AGBL1: variants seen among roughly 807,000 people sequenced by gnomAD.
AGBL1 encodes the protein cytosolic carboxypeptidase 4.
In AGBL1, 130 loss-of-function variants were observed where a neutral mutation model predicts 118.9. That is an observed-to-expected ratio of 1.09 (90% CI 0.95 to 1.26). AGBL1 has a LOEUF of 1.26. AGBL1 is among the 50% of genes most tolerant of loss of function. AGBL1 has a pLI of 0.00. For synonymous variants in AGBL1, 555 were observed against 478.9 expected (o/e 1.16, Z -2.08); for missense variants, 1,584 against 1,298.1 (o/e 1.22, Z -3.38).
At chr15:86,569,567 C>T (rs1300300140) in intron 21 of AGBL1, among the ~76,000 whole-genome samples, 5 of 152,146 alleles carry the variant, frequency 3.3e-5, no homozygotes, top group Non-Finnish European at 7.4e-5. Context: ...AGAAAAACTT[C>T]TTCGGATATG....
At chr15:86,696,951 T>G (rs569729168) in intron 22 of AGBL1, among the ~76,000 whole-genome samples, 79 of 152,158 alleles carry the variant, frequency 5.2e-4, no homozygotes, top group Non-Finnish European at 8.1e-4. Flanking sequence ...CTTGTAGGGT[T>G]TCTGCTAAGA....
chr15:87,001,894 C>G (rs991183144), intron 24 of AGBL1, among the ~76,000 whole-genome samples: 2 of 151,912 alleles, frequency 1.3e-5, no homozygotes, highest in African/African-American at 2.4e-5. Context: ...TGTCAGATGA[C>G]TAGGTTGCAA....
intron 17 of AGBL1, among the ~76,000 whole-genome samples, chr15:86,355,532 C>A (rs1045584657): frequency 6.6e-6 from 1 of 152,168 alleles, no homozygotes; most frequent in African/African-American, 2.4e-5. Flanking sequence ...GTCAGAAATT[C>A]AAACCCATCT....
chr15:86,717,939 G>A (rs776127855), intron 22 of AGBL1, among the ~76,000 whole-genome samples: 12 of 152,056 alleles, frequency 7.9e-5, no homozygotes, highest in African/African-American at 1.9e-4. Context: ...TTAGCTGGGC[G>A]TGATGGCATG....
chr15:86,211,696 A>G (rs2078101311), intron 5 of AGBL1, among the ~76,000 whole-genome samples: 1 of 152,164 alleles, frequency 6.6e-6, no homozygotes, highest in Non-Finnish European at 1.5e-5. Flanking sequence ...AACATTGGAA[A>G]AGCACAGTAT....
intron 22 of AGBL1, among the ~76,000 whole-genome samples, chr15:86,818,211 T>C (rs1378678016): frequency 6.6e-6 from 1 of 152,188 alleles, no homozygotes; most frequent in Non-Finnish European, 1.5e-5. Context: ...AACACATTTC[T>C]GTTGTTTTAA....
intron 23 of AGBL1, among the ~76,000 whole-genome samples, chr15:86,987,086 G>T (rs1382740158): frequency 6.6e-6 from 1 of 152,090 alleles, no homozygotes; most frequent in East Asian, 1.9e-4. Context: ...ATCAGTTAAG[G>T]CAAGGACCGG....
intron 21 of AGBL1, among the ~76,000 whole-genome samples, chr15:86,628,565 G>A (rs2084921267): frequency 6.6e-6 from 1 of 152,158 alleles, no homozygotes; most frequent in Admixed American, 6.5e-5. Context: ...GGGAGGCCGA[G>A]GTGGGTGGAT....
chr15:86,091,221 C>T, intron 1 of AGBL1, among the ~76,000 whole-genome samples: 1 of 152,106 alleles, frequency 6.6e-6, no homozygotes, highest in East Asian at 1.9e-4. Flanking sequence ...TAAATGCCTC[C>T]CTGTGCCAGG....
chr15:86,305,853 C>T (rs2079831761), intron 17 of AGBL1, among the ~76,000 whole-genome samples: 1 of 152,122 alleles, frequency 6.6e-6, no homozygotes, highest in Admixed American at 6.5e-5. Flanking sequence ...ATCTCTTTCC[C>T]ATTAATCTGA....
chr15:86,129,837 A>G (rs2076796216), intron 1 of AGBL1, among the ~76,000 whole-genome samples: 1 of 152,210 alleles, frequency 6.6e-6, no homozygotes, highest in Non-Finnish European at 1.5e-5. Flanking sequence ...GATAGTTAAC[A>G]CAGTGGAGGT....
chr15:86,913,476 T>C lies in AGBL1; in HGVS notation c.*6182T>C, dbSNP rs1030620526. On this transcript the variant is annotated 3_prime_UTR_variant, in exon 23 of 23. Transcript: ENST00000614907. Reference sequence around the variant, plus strand: ...CAAAGTAAAATGGGTTCAGTATCATTGGTAGAGAACACAGTCTATGAGAGA... The same window carrying C: ...CAAAGTAAAATGGGTTCAGTATCATCGGTAGAGAACACAGTCTATGAGAGA... 2.6e-5 allele frequency: 4 copies of C among 152,212 alleles called. No homozygotes were observed. Among genetic ancestry groups the C allele is most frequent in the Admixed American group, 2.6e-4 (4 of 15,282 alleles). 9.4% of individuals were successfully genotyped at this position (152,212 alleles called of 1,614,324 possible).
intron 21 of AGBL1, among the ~76,000 whole-genome samples, chr15:86,657,633 G>A (rs2085481491): frequency 1.3e-5 from 2 of 152,186 alleles, no homozygotes; most frequent in African/African-American, 4.8e-5. Flanking sequence ...CAAACCCCTA[G>A]TTAATGGTTT....
At chr15:86,743,732 A>C (rs1251739898) in intron 22 of AGBL1, among the ~76,000 whole-genome samples, 1 of 152,130 alleles carries the variant, frequency 6.6e-6, no homozygotes, top group African/African-American at 2.4e-5. Flanking sequence ...CCTGAAAAAT[A>C]TCTGAGAGCT....
chr15:86,747,863 T>C (rs941500214), intron 22 of AGBL1, among the ~76,000 whole-genome samples: 15 of 152,350 alleles, frequency 9.8e-5, no homozygotes, highest in African/African-American at 2.6e-4. Flanking sequence ...CACATTTTCT[T>C]AATCCAGTCT....
intron 18 of AGBL1, among the ~76,000 whole-genome samples, chr15:86,399,134 G>A (rs1276755983): frequency 6.6e-6 from 1 of 152,074 alleles, no homozygotes; most frequent in Non-Finnish European, 1.5e-5. Context: ...TAAGAAACTC[G>A]ATCAGACCTT....
chr15:86,382,770 A>G (rs1567228094), intron 17 of AGBL1, among the ~76,000 whole-genome samples: 2 of 152,032 alleles, frequency 1.3e-5, no homozygotes, highest in East Asian at 3.9e-4. Flanking sequence ...CTTAATTTTA[A>G]AATATAATAG....
At chr15:86,451,112 A>G (rs2082187055) in intron 18 of AGBL1, among the ~76,000 whole-genome samples, 1 of 152,236 alleles carries the variant, frequency 6.6e-6, no homozygotes, top group Non-Finnish European at 1.5e-5. Context: ...CAGACTCATT[A>G]CAGAACATTT....
chr15:86,977,344 A>G (rs1218748386), intron 23 of AGBL1, among the ~76,000 whole-genome samples: 1 of 151,620 alleles, frequency 6.6e-6, no homozygotes, highest in East Asian at 1.9e-4. Flanking sequence ...TTTATAATAA[A>G]TTGTAATGTG....
Sources: gnomAD v4.1 joint callset for allele counts (sites outside exome capture counted in the v4.1 genomes callset) on GRCh38, gnomAD v4.1.1 for gene constraint, MANE v1.5 for transcripts, NCBI Gene and HGNC (gene_info 2026-07-23, HGNC 2026-07-21) for gene names.